MACROD2: variants seen among roughly 807,000 people sequenced by gnomAD.
MACROD2 encodes ADP-ribose glycohydrolase MACROD2.
MACROD2 carries 36 observed loss-of-function variants against 70.4 expected under a neutral mutation model. The ratio of observed to expected loss-of-function variants is 0.51; its 90% CI spans 0.39 to 0.68. The LOEUF (loss-of-function observed/expected upper bound fraction) is 0.68, where lower values mean the gene tolerates loss of function less well. MACROD2 is among the 30% of genes least tolerant of loss of function. The probability of loss-of-function intolerance (pLI) is 0.00; values close to 1 mark genes in which losing one functional copy is unlikely to be tolerated. For synonymous variants in MACROD2, 172 were observed against 178.8 expected (o/e 0.96, Z 0.30); for missense variants, 496 against 538.4 (o/e 0.92, Z 0.78).
chr20:14,663,552 ACACATG>A (rs1322454911), intron 4 of MACROD2, among the ~76,000 whole-genome samples: 1 of 149,104 alleles, frequency 6.7e-6, no homozygotes, highest in Non-Finnish European at 1.5e-5. Context: ...ACACACACAC[ACACATG>A]CACACATATA....
chr20:14,156,593 A>G (rs1446213824), intron 3 of MACROD2, among the ~76,000 whole-genome samples: 1 of 152,170 alleles, frequency 6.6e-6, no homozygotes, highest in African/African-American at 2.4e-5. Flanking sequence ...CAAAAAGTTT[A>G]GTTTACAGAT....
At chr20:15,553,114 C>A (rs73100235) in intron 8 of MACROD2, among the ~76,000 whole-genome samples, 9,246 of 152,242 alleles carry the variant, frequency 0.061, 300 homozygotes, top group Middle Eastern at 0.078. Context: ...TATTAACAGG[C>A]AACTGGTAAA....
chr20:14,045,033 A>C (rs2053448468), intron 2 of MACROD2, among the ~76,000 whole-genome samples: 2 of 152,330 alleles, frequency 1.3e-5, no homozygotes, highest in Admixed American at 6.5e-5. Flanking sequence ...CCAGGTGCTA[A>C]GCCCTTCACT....
intron 8 of MACROD2, among the ~76,000 whole-genome samples, chr20:15,690,851 C>T (rs2050290990): frequency 6.6e-6 from 1 of 152,198 alleles, no homozygotes. Context: ...CCTAGTATTA[C>T]AGTCTGCAGG....
chr20:15,382,805 G>C (rs59997671), intron 6 of MACROD2, among the ~76,000 whole-genome samples: 1 of 152,128 alleles, frequency 6.6e-6, no homozygotes, highest in East Asian at 1.9e-4. Context: ...GAAATGTGTC[G>C]TCAGTAATTA....
At chr20:14,776,115 T>C (rs382235) in intron 5 of MACROD2, among the ~76,000 whole-genome samples, 101,555 of 151,496 alleles carry the variant, frequency 0.67, 34,501 homozygotes, top group African/African-American at 0.73. Context: ...GACTGAAGAA[T>C]GCAGACTGAA....
intron 5 of MACROD2, among the ~76,000 whole-genome samples, chr20:14,781,778 G>A (rs2072304243): frequency 6.6e-6 from 1 of 151,744 alleles, no homozygotes; most frequent in African/African-American, 2.4e-5. Context: ...GGCAAAAAGA[G>A]GCAGATTTAG....
intron 8 of MACROD2, among the ~76,000 whole-genome samples, chr20:15,577,651 G>A (rs900357674): frequency 2.0e-5 from 3 of 152,064 alleles, no homozygotes; most frequent in East Asian, 1.9e-4. Context: ...CCCTGCGTGC[G>A]TACATATTTA....
intron 2 of MACROD2, among the ~76,000 whole-genome samples, chr20:14,049,570 G>A (rs1336491141): frequency 2.0e-5 from 3 of 147,348 alleles, no homozygotes; most frequent in African/African-American, 7.6e-5. Context: ...GTGAAACCCT[G>A]TCTCTACTAA....
At chr20:14,835,887 G>A (rs369675802) in intron 5 of MACROD2, among the ~76,000 whole-genome samples, 22 of 152,080 alleles carry the variant, frequency 1.4e-4, no homozygotes, top group South Asian at 4.2e-4. Flanking sequence ...ACACTCTTCC[G>A]CATGTAGCTT....
At chr20:15,470,136 G>A (rs1272804632) in intron 7 of MACROD2, among the ~76,000 whole-genome samples, 1 of 151,978 alleles carries the variant, frequency 6.6e-6, no homozygotes, top group Non-Finnish European at 1.5e-5. Context: ...TGCAACCTCC[G>A]CCTGCCGGGT....
intron 8 of MACROD2, among the ~76,000 whole-genome samples, chr20:15,714,407 A>T (rs1428732008): frequency 6.6e-6 from 1 of 152,200 alleles, no homozygotes; most frequent in African/African-American, 2.4e-5. Flanking sequence ...AGCTACTTTT[A>T]AAAATATTTG....
At chr20:14,928,492 T>G (rs1406915694) in intron 5 of MACROD2, among the ~76,000 whole-genome samples, 1 of 152,212 alleles carries the variant, frequency 6.6e-6, no homozygotes, top group African/African-American at 2.4e-5. Context: ...GGGTCAACTA[T>G]TCTGACTTAG....
intron 5 of MACROD2, among the ~76,000 whole-genome samples, chr20:14,718,463 T>C (rs1004717359): frequency 7.9e-5 from 12 of 151,984 alleles, no homozygotes; most frequent in African/African-American, 2.7e-4. Context: ...TTTTAACTCC[T>C]TCTCTCCCTC....
At chr20:14,275,398 T>C (rs900964127) in intron 3 of MACROD2, among the ~76,000 whole-genome samples, 17 of 151,996 alleles carry the variant, frequency 1.1e-4, no homozygotes, top group Non-Finnish European at 2.2e-4. Flanking sequence ...CCCTATTTAA[T>C]AAATGGTGCT....
At chr20:14,437,317 G>A (rs547748225) in intron 3 of MACROD2, among the ~76,000 whole-genome samples, 45 of 152,062 alleles carry the variant, frequency 3.0e-4, no homozygotes, top group African/African-American at 9.4e-4. Flanking sequence ...TTCTTGGGCC[G>A]GATGCAGTGG....
chr20:14,580,022 A>G (rs1980903322), intron 4 of MACROD2, among the ~76,000 whole-genome samples: 1 of 152,246 alleles, frequency 6.6e-6, no homozygotes, highest in Admixed American at 6.5e-5. Flanking sequence ...CATTATTTAC[A>G]AAGCAACTGA....
At chr20:14,333,358 A>G (rs189965809) in intron 3 of MACROD2, among the ~76,000 whole-genome samples, 6 of 152,294 alleles carry the variant, frequency 3.9e-5, no homozygotes, top group African/African-American at 1.4e-4. Flanking sequence ...AAGTTAAATC[A>G]AGCATCCTTA....
chr20:14,477,815 G>A (rs75087117), intron 3 of MACROD2, among the ~76,000 whole-genome samples: 3,683 of 152,172 alleles, frequency 0.024, 149 homozygotes, highest in African/African-American at 0.083. Flanking sequence ...CAAACTAGCC[G>A]AATGCTGTAA....
Sources: gnomAD v4.1 joint callset for allele counts (sites outside exome capture counted in the v4.1 genomes callset) on GRCh38, gnomAD v4.1.1 for gene constraint, MANE v1.5 for transcripts, NCBI Gene and HGNC (gene_info 2026-07-23, HGNC 2026-07-21) for gene names.